The following RBFOX1 variants were observed in gnomAD, a reference collection of about 807,000 sequenced individuals.
RBFOX1 encodes RNA binding protein fox-1 homolog 1.
Under a neutral mutation model 57.7 loss-of-function variants are expected in RBFOX1, and 8 were observed. That is an observed-to-expected ratio of 0.14 (90% confidence interval 0.08 to 0.25). The LOEUF is 0.25. Among genes scored for constraint, RBFOX1 ranks in the 10% least tolerant of loss-of-function variants. RBFOX1 has a pLI of 1.00. For synonymous variants in RBFOX1, 326 were observed against 222.4 expected, an observed-to-expected ratio of 1.47 and a Z score of -4.15; for missense variants, 611 against 548.5, an observed-to-expected ratio of 1.11 and a Z score of -1.14.
At chr16:7,471,451 C>T (rs1003624965) in intron 4 of RBFOX1, among the ~76,000 whole-genome samples, 1 of 152,146 alleles carries the variant, frequency 6.6e-6, no homozygotes, top group Non-Finnish European at 1.5e-5. Flanking sequence ...TACCATGACT[C>T]ATTTTTATTG....
chr16:6,305,657 T>A (rs2079418552), intron 1 of RBFOX1, among the ~76,000 whole-genome samples: 1 of 151,368 alleles, frequency 6.6e-6, no homozygotes, highest in African/African-American at 2.4e-5. Context: ...TAGCTTTTTT[T>A]TTTTCCTGTA....
intron 4 of RBFOX1, among the ~76,000 whole-genome samples, chr16:7,104,786 T>G (rs1304747834): frequency 6.6e-6 from 1 of 152,148 alleles, no homozygotes; most frequent in Non-Finnish European, 1.5e-5. Flanking sequence ...CCTTTTTTGT[T>G]GTGACTTGCA....
intron 4 of RBFOX1, among the ~76,000 whole-genome samples, chr16:5,925,632 A>G (rs892009603): frequency 5.9e-5 from 9 of 152,172 alleles, no homozygotes; most frequent in African/African-American, 1.9e-4. Context: ...AATGATTAAC[A>G]TAGTGAATTT....
intron 2 of RBFOX1, among the ~76,000 whole-genome samples, chr16:6,363,730 G>T (rs912508163): frequency 5.3e-5 from 8 of 152,164 alleles, no homozygotes; most frequent in Admixed American, 3.9e-4. Context: ...CGAATTTCAC[G>T]TAGAAATCAA....
intron 2 of RBFOX1, among the ~76,000 whole-genome samples, chr16:5,489,152 A>ACTT (rs1407889536): frequency 6.6e-6 from 1 of 152,076 alleles, no homozygotes. Flanking sequence ...CAGCAGAGGG[A>ACTT]AGGTTGGGGT....
At chr16:6,683,448 C>G (rs989523759) in intron 3 of RBFOX1, among the ~76,000 whole-genome samples, 6 of 151,976 alleles carry the variant, frequency 3.9e-5, no homozygotes, top group African/African-American at 1.2e-4. Context: ...CTATGTCTTT[C>G]AAATGGTTTA....
At chr16:5,496,307 G>C (rs1487351404) in intron 2 of RBFOX1, among the ~76,000 whole-genome samples, 2 of 152,138 alleles carry the variant, frequency 1.3e-5, no homozygotes, top group East Asian at 3.9e-4. Flanking sequence ...CAAGAGCCTG[G>C]ACATTGGCTG....
intron 2 of RBFOX1, among the ~76,000 whole-genome samples, chr16:5,551,500 G>A (rs1482808972): frequency 6.6e-6 from 1 of 152,150 alleles, no homozygotes; most frequent in Non-Finnish European, 1.5e-5. Flanking sequence ...AGGTTATTTA[G>A]GAATAGATTT....
At chr16:6,647,507 C>A (rs1431293737) in intron 2 of RBFOX1, among the ~76,000 whole-genome samples, 1 of 152,132 alleles carries the variant, frequency 6.6e-6, no homozygotes, top group African/African-American at 2.4e-5. Flanking sequence ...CTTAGACTCC[C>A]AAAGTGATGG....
chr16:5,401,246 G>A (rs1339930549), intron 1 of RBFOX1, among the ~76,000 whole-genome samples: 2 of 152,106 alleles, frequency 1.3e-5, no homozygotes, highest in African/African-American at 4.8e-5. Flanking sequence ...AATTCATTTT[G>A]TGTAGGTTTG....
At chr16:5,483,867 C>T (rs1311006728) in intron 2 of RBFOX1, among the ~76,000 whole-genome samples, 1 of 152,132 alleles carries the variant, frequency 6.6e-6, no homozygotes, top group African/African-American at 2.4e-5. Flanking sequence ...CTCTCACAGG[C>T]TGTAATCACG....
intron 4 of RBFOX1, among the ~76,000 whole-genome samples, chr16:7,355,613 C>G (rs545469744): frequency 5.9e-5 from 9 of 152,266 alleles, no homozygotes; most frequent in African/African-American, 2.2e-4. Context: ...TGGCCATCTC[C>G]CCATGTCAGT....
In RBFOX1 at chr16:6,972,643, C is replaced by G. The variant is rs185036918; in HGVS notation, c.-15-79414C>G. ...ATGCAGGAGAACAAGCAGAAAATTT[C>G]AAGAGCAAATGCTTTGGGGACAGAC... On this transcript the variant is annotated intron_variant, in intron 3 of 15. Transcript: ENST00000550418. 1.2e-3 allele frequency among the ~76,000 whole-genome samples: 190 copies of G among 152,088 alleles called. 1 individual carries two copies. The highest frequency in any genetic ancestry group is 3.4e-3 in the Admixed American group (52 of 15,272).
At chr16:5,260,439 A>G (rs1265405956) in intron 1 of RBFOX1, among the ~76,000 whole-genome samples, 1 of 152,246 alleles carries the variant, frequency 6.6e-6, no homozygotes, top group Admixed American at 6.5e-5. Context: ...GAAGTAGCAA[A>G]TTGAATGCTG....
At chr16:6,165,970 G>A (rs1358399844) in intron 1 of RBFOX1, among the ~76,000 whole-genome samples, 2 of 152,202 alleles carry the variant, frequency 1.3e-5, no homozygotes, top group African/African-American at 2.4e-5. Flanking sequence ...ATGGGAAAGG[G>A]ATGCTTAATG....
chr16:6,520,699 C>T (rs1327353101), intron 2 of RBFOX1, among the ~76,000 whole-genome samples: 1 of 152,122 alleles, frequency 6.6e-6, no homozygotes, highest in Non-Finnish European at 1.5e-5. Context: ...AGGAACCCTG[C>T]TTAGTTTGAT....
intron 3 of RBFOX1, among the ~76,000 whole-genome samples, chr16:6,851,870 T>C (rs907934249): frequency 4.6e-5 from 7 of 151,972 alleles, no homozygotes; most frequent in African/African-American, 1.2e-4. Context: ...GACACCACTA[T>C]CCTTTAGCTG....
Position 6,971,486 on chromosome 16 carries a change from AAGAG to A in RBFOX1, c.-15-80554_-15-80551del, listed in dbSNP as rs200603021. On this transcript the variant is annotated intron_variant, in intron 3 of 15. Transcript: ENST00000550418. ...GCAGAGCTTTTCAGATTGCAATATG[AAGAG>A]AGAGAGAGAGAGAGAGTTGGTGTGT... 8.3e-4 allele frequency among the ~76,000 whole-genome samples: 115 copies of A among 138,582 alleles called. 1 individual carries two copies. The highest frequency in any genetic ancestry group is 1.9e-3 in the African/African-American group (76 of 40,464). 90.9% of individuals were successfully genotyped at this position (138,582 alleles called of 152,430 possible).
intron 2 of RBFOX1, among the ~76,000 whole-genome samples, chr16:6,515,028 A>G (rs2153788681): frequency 6.6e-6 from 1 of 152,246 alleles, no homozygotes; most frequent in Non-Finnish European, 1.5e-5. Flanking sequence ...TCTTTGACAC[A>G]AGCTTCAATA....
Sources: allele counts gnomAD v4.1 joint callset (sites outside exome capture counted in the v4.1 genomes callset), GRCh38; gene constraint gnomAD v4.1.1; transcripts MANE v1.5; gene names NCBI Gene and HGNC (gene_info 2026-07-23, HGNC 2026-07-21).